KDM4C: variants seen among roughly 807,000 people sequenced by gnomAD.
KDM4C encodes the protein lysine demethylase 4C, also known as lysine-specific demethylase 4C.
Under a neutral mutation model 129.3 loss-of-function variants are expected in KDM4C, and 81 were observed. The ratio of observed to expected loss-of-function variants is 0.63; its 90% CI spans 0.52 to 0.75. The LOEUF (loss-of-function observed/expected upper bound fraction) is 0.75, where lower values mean the gene tolerates loss of function less well. Among genes scored for constraint, KDM4C ranks in the 30% least tolerant of loss-of-function variants. The pLI, the probability that KDM4C is intolerant of heterozygous loss-of-function variation, is 0.00. For missense variants in KDM4C, 1,457 were observed against 1,304.0 expected, an observed-to-expected ratio of 1.12 and a Z score of -1.81; for synonymous variants, 573 against 456.1, an observed-to-expected ratio of 1.26 and a Z score of -3.26.
intron 4 of KDM4C, among the ~76,000 whole-genome samples, chr9:6,837,300 G>A (rs112392827): frequency 1.0e-3 from 159 of 152,216 alleles, no homozygotes; most frequent in South Asian, 8.7e-3. Flanking sequence ...TCAAGTGATC[G>A]CCTGCCTCAG....
chr9:6,996,767 A>G (rs959413854), intron 12 of KDM4C, among the ~76,000 whole-genome samples: 2 of 152,264 alleles, frequency 1.3e-5, no homozygotes, highest in Admixed American at 6.5e-5. Flanking sequence ...CTGGAAATTT[A>G]TAAGAAAATT....
At chr9:6,847,707 A>G (rs1386833876) in intron 4 of KDM4C, among the ~76,000 whole-genome samples, 2 of 152,004 alleles carry the variant, frequency 1.3e-5, no homozygotes, top group East Asian at 3.9e-4. Flanking sequence ...CTCTAAACGG[A>G]TACTTTGACC....
At chr9:6,860,097 C>G (rs953425357) in intron 5 of KDM4C, among the ~76,000 whole-genome samples, 1 of 152,080 alleles carries the variant, frequency 6.6e-6, no homozygotes, top group African/African-American at 2.4e-5. Flanking sequence ...GAGAAACGTG[C>G]TCCTCATTTT....
At chr9:7,111,115 GT>G (rs1017905942) in intron 18 of KDM4C, among the ~76,000 whole-genome samples, 4 of 146,534 alleles carry the variant, frequency 2.7e-5, no homozygotes, top group East Asian at 2.0e-4. Context: ...AAACATTTTT[GT>G]TTTTTTTTTG....
chr9:7,036,773 C>T (rs936698164), intron 15 of KDM4C, among the ~76,000 whole-genome samples: 2 of 152,096 alleles, frequency 1.3e-5, no homozygotes, highest in African/African-American at 4.8e-5. Flanking sequence ...CTGCACCACC[C>T]CCCGATATAA....
At chr9:7,174,453 C>A in intron 21 of KDM4C, 100 bp from the exon 22 acceptor site, 2 of 1,103,868 alleles carry the variant, frequency 1.8e-6, no homozygotes, top group Non-Finnish European at 2.7e-6. Context: ...GTGACCTGGG[C>A]ATCTGCACCC....
chr9:6,977,631 A>G (rs1833152413), intron 8 of KDM4C, among the ~76,000 whole-genome samples: 1 of 152,132 alleles, frequency 6.6e-6, no homozygotes, highest in African/African-American at 2.4e-5. Flanking sequence ...GTATTAATTC[A>G]TGTTATGGAC....
chr9:7,155,772 T>G (rs202201488), intron 19 of KDM4C, among the ~76,000 whole-genome samples: 5 of 152,242 alleles, frequency 3.3e-5, no homozygotes, highest in Admixed American at 6.5e-5. Flanking sequence ...TGGACATTTG[T>G]GTTGGTTCCA....
chr9:7,019,947 T>C (rs1009399070), intron 15 of KDM4C, among the ~76,000 whole-genome samples: 2 of 151,806 alleles, frequency 1.3e-5, no homozygotes, highest in Non-Finnish European at 2.9e-5. Flanking sequence ...CAGCTCTCTT[T>C]TTATTTTCCA....
At chr9:6,743,273 A>T (rs950795849) in intron 1 of KDM4C, among the ~76,000 whole-genome samples, 2 of 152,180 alleles carry the variant, frequency 1.3e-5, no homozygotes, top group Non-Finnish European at 2.9e-5. Context: ...CTTCAACGAC[A>T]TCACTGAGGC....
At chr9:7,100,435 G>C (rs191340415) in intron 17 of KDM4C, among the ~76,000 whole-genome samples, 1 of 152,098 alleles carries the variant, frequency 6.6e-6, no homozygotes, top group Non-Finnish European at 1.5e-5. Context: ...TGCCTCCTGG[G>C]TTCAAGCGAC....
intron 8 of KDM4C, among the ~76,000 whole-genome samples, chr9:6,955,164 A>G (rs1032789484): frequency 6.6e-6 from 1 of 152,200 alleles, no homozygotes; most frequent in African/African-American, 2.4e-5. Flanking sequence ...CCAAGATCTG[A>G]ATGCCTCTCT....
intron 19 of KDM4C, 100 bp downstream of exon 19, chr9:7,128,336 G>C (rs1564153413): frequency 1.2e-6 from 1 of 826,540 alleles, no homozygotes; most frequent in Non-Finnish European, 1.8e-6. Flanking sequence ...TTTTTGAGTA[G>C]CTCATTCACT....
intron 8 of KDM4C, among the ~76,000 whole-genome samples, chr9:6,964,812 G>T (rs1479361527): frequency 6.8e-6 from 1 of 147,492 alleles, no homozygotes; most frequent in Non-Finnish European, 1.5e-5. Context: ...CCACAGACTG[G>T]GCGCAGTAGC....
intron 8 of KDM4C, among the ~76,000 whole-genome samples, chr9:6,933,073 A>G (rs56069635): frequency 0.26 from 38,849 of 151,978 alleles, 5,379 homozygotes; most frequent in South Asian, 0.39. Context: ...CATCTCAAAG[A>G]ATTTTAATTC....
chr9:7,021,639 G>C (rs1220499509), intron 15 of KDM4C, among the ~76,000 whole-genome samples: 2 of 152,156 alleles, frequency 1.3e-5, no homozygotes, highest in Non-Finnish European at 2.9e-5. Flanking sequence ...TTTCTTTGCT[G>C]TGCAGAAGCT....
chr9:6,960,771 C>A (rs551144564), intron 8 of KDM4C, among the ~76,000 whole-genome samples: 1 of 152,320 alleles, frequency 6.6e-6, no homozygotes, highest in Non-Finnish European at 1.5e-5. Context: ...CCAGTGCAGA[C>A]ATTCTCAGCT....
chr9:7,153,598 C>T (rs1842906271), intron 19 of KDM4C, among the ~76,000 whole-genome samples: 1 of 152,102 alleles, frequency 6.6e-6, no homozygotes, highest in South Asian at 2.1e-4. Flanking sequence ...GTGGGAAGTC[C>T]TCCAGTTTTA....
At position 7,157,918 on chromosome 9, in the gene KDM4C, T is replaced by A. The variant is rs143784807; in HGVS notation, c.2782-7320T>A. ...TCTTTTTCTGTTGATTGGAATAGTT[T>A]CAGAAAGAATGGGACCAGCTCCACT... On this transcript the variant is annotated intron_variant, in intron 19 of 21. Coordinates refer to ENST00000381309, the MANE Select transcript of KDM4C (RefSeq NM_015061.6). Among the ~76,000 whole-genome samples the A allele has an allele frequency of 7.2e-3, 1,103 of 152,344 alleles. 7 individuals carry two copies. Among genetic ancestry groups the A allele is most frequent in the Non-Finnish European group, 0.01 (710 of 68,034 alleles).
Sources: gnomAD v4.1 joint callset for allele counts (sites outside exome capture counted in the v4.1 genomes callset) on GRCh38, gnomAD v4.1.1 for gene constraint, MANE v1.5 for transcripts, NCBI Gene and HGNC (gene_info 2026-07-23, HGNC 2026-07-21) for gene names.